ALKBH8: variants seen among roughly 807,000 people sequenced by gnomAD.
ALKBH8 encodes alkB homolog 8, tRNA methyltransferase.
A neutral mutation model predicts 59.8 loss-of-function variants in ALKBH8; 36 were observed. The observed-to-expected ratio is 0.60, with a 90% CI of 0.46 to 0.79. The LOEUF (loss-of-function observed/expected upper bound fraction) is 0.79. ALKBH8 is among the 30% of genes least tolerant of loss of function. The probability of loss-of-function intolerance (pLI) is 0.00; values close to 1 mark genes in which losing one functional copy is unlikely to be tolerated. For missense variants in ALKBH8, 768 were observed against 801.0 expected, an observed-to-expected ratio of 0.96 and a Z score of 0.50; for synonymous variants, 276 against 273.6, an observed-to-expected ratio of 1.01 and a Z score of -0.09.
At chr11:107,558,347 CAATACT>C (rs751754172) in intron 2 of ALKBH8, among the ~76,000 whole-genome samples, 1 of 152,196 alleles carries the variant, frequency 6.6e-6, no homozygotes, top group Non-Finnish European at 1.5e-5. Flanking sequence ...CCCACTAATA[CAATACT>C]ATATGATATG....
Position 107,525,660 on chromosome 11 carries a change from T to C in ALKBH8, c.879-68A>G, listed in dbSNP as rs12274571. On this transcript the variant is annotated intron_variant, in intron 8 of 11. Coordinates refer to ENST00000428149, the MANE Select transcript of ALKBH8 (RefSeq NM_138775.3). ...TAAAAATATTTCAGGCCTTTAAAAA[T>C]GTTAAGTGAATAGAGAAAATCTAGA... is the stretch of plus-strand genomic sequence containing the variant. The C allele has an allele frequency of 2.6e-3, 2,938 of 1,112,938 alleles. 46 individuals carry two copies. The African/African-American group carries it at 0.035, about 13-fold the overall frequency. The allele number at this position is 1,112,938 out of a possible 1,614,324, so 68.9% of individuals were successfully genotyped here. A position where few individuals can be genotyped will look rare whatever the true frequency, so the allele number is the denominator to read the frequency against.
intron 7 of ALKBH8, among the ~76,000 whole-genome samples, chr11:107,545,206 G>A (rs1565339610): frequency 2.0e-5 from 3 of 152,130 alleles, no homozygotes; most frequent in Non-Finnish European, 4.4e-5. Flanking sequence ...AGACTGTATT[G>A]TTGTTTTAAG....
rs1317734626 is a variant in ALKBH8 at position 107,522,532 on chromosome 11, G to A, written c.1054C>T (p.Gln352Ter). ...NCSYPLVCDS[Q>*]RKETPPSFPE... ...AATGAGGGGGGAGTCTCTTTCCTCT[G>A]GCTATCACAGACCAACGGGTAACCT... The change falls in exon 10 of 12, where the codon CAG becomes TAG. Residue 352 changes from glutamine (Q) to a stop codon, truncating the protein, a stop_gained. Coordinates refer to ENST00000428149, the MANE Select transcript of ALKBH8 (RefSeq NM_138775.3). LOFTEE classifies it high-confidence loss of function. 6.4e-7 allele frequency: 1 copy of A among 1,551,404 alleles called. No homozygotes were observed. The highest frequency in any genetic ancestry group is 8.7e-7 in the Non-Finnish European group (1 of 1,146,902).
chr11:107,549,789 AAAAGCGG>A lies in ALKBH8; in HGVS notation c.728_734del (p.Ser243LeufsTer37). 2 of 1,550,406 alleles carry A rather than the reference AAAAGCGG, an allele frequency of 1.3e-6. No homozygotes were observed. The highest frequency in any genetic ancestry group is 2.4e-5 in the South Asian group (2 of 83,962). On this transcript the variant is annotated frameshift_variant, in exon 7 of 12. Transcript: ENST00000428149. LOFTEE classifies it high-confidence loss of function. ...AACTGAGAGAAACGATCTCATCCTCAAAAGCGGAATGTGTATCAATATGAGCGGGAAT... is the reference window on the plus strand; with the variant it reads ...AACTGAGAGAAACGATCTCATCCTCAAATGTGTATCAATATGAGCGGGAAT...
At chr11:107,548,187 A>G (rs1168361805) in intron 7 of ALKBH8, among the ~76,000 whole-genome samples, 1 of 152,174 alleles carries the variant, frequency 6.6e-6, no homozygotes, top group Non-Finnish European at 1.5e-5. Flanking sequence ...GGTTTGTAGG[A>G]GCTAACACAT....
At chr11:107,540,226 A>C (rs1863981600) in intron 7 of ALKBH8, among the ~76,000 whole-genome samples, 1 of 152,186 alleles carries the variant, frequency 6.6e-6, no homozygotes, top group African/African-American at 2.4e-5. Flanking sequence ...GATCCAGCAA[A>C]AAGTTAAAAA....
chr11:107,529,461 T>C (rs936468179), intron 8 of ALKBH8, among the ~76,000 whole-genome samples: 1 of 152,128 alleles, frequency 6.6e-6, no homozygotes, highest in African/African-American at 2.4e-5. Context: ...CTCTGTGCCA[T>C]TTTTCTTGAA....
At chr11:107,518,281 ATAGT>A (rs924350351) in intron 10 of ALKBH8, among the ~76,000 whole-genome samples, 1 of 152,162 alleles carries the variant, frequency 6.6e-6, no homozygotes, top group African/African-American at 2.4e-5. Context: ...TTTCTAAATG[ATAGT>A]TATTTATGTA....
chr11:107,560,195 G>A (rs1328325726), intron 2 of ALKBH8, among the ~76,000 whole-genome samples: 3 of 152,116 alleles, frequency 2.0e-5, no homozygotes, highest in Non-Finnish European at 2.9e-5. Flanking sequence ...GAAATCTCAC[G>A]ATCCTCACAT....
chr11:107,513,540 G>A (rs1862727510), intron 10 of ALKBH8, among the ~76,000 whole-genome samples: 2 of 152,234 alleles, frequency 1.3e-5, no homozygotes, highest in South Asian at 2.1e-4. Flanking sequence ...CCATTATTGG[G>A]TATATATCCA....
At chr11:107,535,034 C>G (rs1436855966) in intron 7 of ALKBH8, among the ~76,000 whole-genome samples, 1 of 152,206 alleles carries the variant, frequency 6.6e-6, no homozygotes, top group Admixed American at 6.5e-5. Context: ...AGTTATTTCA[C>G]TTAGAATAAT....
chr11:107,547,871 G>A (rs1201287077), intron 7 of ALKBH8, among the ~76,000 whole-genome samples: 2 of 152,118 alleles, frequency 1.3e-5, no homozygotes, highest in Non-Finnish European at 2.9e-5. Flanking sequence ...ACACCAAATA[G>A]AGATAATGAA....
intron 7 of ALKBH8, among the ~76,000 whole-genome samples, chr11:107,542,562 A>G (rs1331652583): frequency 6.6e-6 from 1 of 152,168 alleles, no homozygotes; most frequent in African/African-American, 2.4e-5. Flanking sequence ...CATGGGATGC[A>G]ATAAAGCGGT....
chr11:107,524,957 A>AG (rs1239042408), intron 9 of ALKBH8, among the ~76,000 whole-genome samples: 2 of 152,182 alleles, frequency 1.3e-5, no homozygotes, highest in Non-Finnish European at 2.9e-5. Context: ...GTTTTTGAGC[A>AG]GTTTTTATTC....
chr11:107,547,470 A>G (rs998184331), intron 7 of ALKBH8, among the ~76,000 whole-genome samples: 1 of 152,214 alleles, frequency 6.6e-6, no homozygotes, highest in Admixed American at 6.5e-5. Flanking sequence ...AGGAGCCTTT[A>G]CACGCATGGA....
chr11:107,549,648 A>C, intron 7 of ALKBH8, 105 bp downstream of exon 7: 2 of 855,726 alleles, frequency 2.3e-6, no homozygotes, highest in East Asian at 6.1e-5. Context: ...CTTATTTTTC[A>C]TTTTTAAATC....
chr11:107,544,410 T>C (rs1864166237), intron 7 of ALKBH8, among the ~76,000 whole-genome samples: 1 of 152,206 alleles, frequency 6.6e-6, no homozygotes, highest in African/African-American at 2.4e-5. Context: ...ACTGTCAGCA[T>C]TGAGTCTTAT....
chr11:107,515,035 A>C (rs1862803991), intron 10 of ALKBH8, among the ~76,000 whole-genome samples: 1 of 152,148 alleles, frequency 6.6e-6, no homozygotes, highest in Non-Finnish European at 1.5e-5. Flanking sequence ...AAAGCATCAG[A>C]TCTGATGTAG....
chr11:107,511,934 G>T (rs1441880049), intron 10 of ALKBH8, among the ~76,000 whole-genome samples: 1 of 151,888 alleles, frequency 6.6e-6, no homozygotes, highest in Non-Finnish European at 1.5e-5. Context: ...AACTTATCAA[G>T]AATAAAGTGC....
Sources: gnomAD v4.1 joint callset for allele counts (sites outside exome capture counted in the v4.1 genomes callset) on GRCh38, gnomAD v4.1.1 for gene constraint, MANE v1.5 for transcripts, NCBI Gene and HGNC (gene_info 2026-07-23, HGNC 2026-07-21) for gene names.